CNTN5: variants seen among roughly 807,000 people sequenced by gnomAD.
The protein encoded by CNTN5 is contactin-5.
A neutral mutation model predicts 129.1 loss-of-function variants in CNTN5; 77 were observed. The ratio of observed to expected loss-of-function variants is 0.60; its 90% CI spans 0.50 to 0.72. The LOEUF (loss-of-function observed/expected upper bound fraction) is 0.72, where lower values mean the gene tolerates loss of function less well. Among genes scored for constraint, CNTN5 ranks in the 30% least tolerant of loss-of-function variants. The pLI is 0.00. For missense variants in CNTN5, 1,478 were observed against 1,328.8 expected (o/e 1.11, Z -1.75); for synonymous variants, 509 against 465.6 (o/e 1.09, Z -1.20).
chr11:99,521,519 G>T (rs1947275507), intron 2 of CNTN5, among the ~76,000 whole-genome samples: 1 of 152,014 alleles, frequency 6.6e-6, no homozygotes, highest in East Asian at 1.9e-4. Context: ...GCATTCACTA[G>T]GTACAAATTT....
At chr11:99,363,282 T>G (rs1939235606) in intron 2 of CNTN5, among the ~76,000 whole-genome samples, 2 of 152,120 alleles carry the variant, frequency 1.3e-5, no homozygotes, top group Non-Finnish European at 2.9e-5. Flanking sequence ...GACTAGCTCT[T>G]TTACAAGTCT....
At chr11:99,167,036 T>G (rs1354435228) in intron 1 of CNTN5, among the ~76,000 whole-genome samples, 1 of 152,206 alleles carries the variant, frequency 6.6e-6, no homozygotes, top group Admixed American at 6.5e-5. Flanking sequence ...TGTGTACTTT[T>G]TCTGTATTAA....
intron 16 of CNTN5, among the ~76,000 whole-genome samples, chr11:100,244,320 C>T (rs1421846589): frequency 6.6e-6 from 1 of 152,148 alleles, no homozygotes; most frequent in African/African-American, 2.4e-5. Context: ...CCCAGAGCAA[C>T]TGTTTTCTTG....
intron 1 of CNTN5, among the ~76,000 whole-genome samples, chr11:99,232,109 T>C (rs1861030781): frequency 6.6e-6 from 1 of 152,200 alleles, no homozygotes; most frequent in Non-Finnish European, 1.5e-5. Flanking sequence ...CTCTTTTTGC[T>C]TAGGATTGTC....
chr11:100,144,803 A>G (rs150846033), intron 13 of CNTN5, among the ~76,000 whole-genome samples: 1 of 151,872 alleles, frequency 6.6e-6, no homozygotes, highest in Non-Finnish European at 1.5e-5. Context: ...GTATTTCATA[A>G]TAAAGCCCTG....
chr11:99,519,324 C>A lies in CNTN5; in HGVS notation c.-70-36821C>A, dbSNP rs1001234692. Among the ~76,000 whole-genome samples, 3 of 152,126 alleles carry A rather than the reference C, an allele frequency of 2.0e-5. No individual in the cohort carries two copies. In the South Asian group the frequency reaches 6.2e-4, roughly 32 times the overall value. On this transcript the variant is annotated intron_variant, in intron 2 of 24. Transcript: ENST00000524871. ...CCTCTACTGTCTTTCTTATGCAATA[C>A]TCTTCTTCTTAACATCATGCTGCTA...
At chr11:100,029,476 G>A (rs577470847) in intron 9 of CNTN5, among the ~76,000 whole-genome samples, 5 of 152,122 alleles carry the variant, frequency 3.3e-5, no homozygotes, top group African/African-American at 9.6e-5. Context: ...CCAGCTACTC[G>A]GGAGGCTGAG....
At chr11:99,492,528 C>T (rs138903568) in intron 2 of CNTN5, among the ~76,000 whole-genome samples, 2 of 152,160 alleles carry the variant, frequency 1.3e-5, no homozygotes, top group African/African-American at 2.4e-5. Flanking sequence ...GTGATTAGTG[C>T]TATAGCGCTG....
intron 7 of CNTN5, among the ~76,000 whole-genome samples, chr11:99,932,450 C>T (rs1183924022): frequency 6.6e-6 from 1 of 152,078 alleles, no homozygotes; most frequent in African/African-American, 2.4e-5. Context: ...ACCTCAGCCT[C>T]CCAAAGTGCT....
At chr11:99,372,889 T>G (rs953448373) in intron 2 of CNTN5, among the ~76,000 whole-genome samples, 1 of 152,222 alleles carries the variant, frequency 6.6e-6, no homozygotes, top group Non-Finnish European at 1.5e-5. Flanking sequence ...TTATGGCATC[T>G]GAGAGATAAA....
intron 16 of CNTN5, among the ~76,000 whole-genome samples, chr11:100,237,146 A>G (rs533843346): frequency 3.3e-5 from 5 of 149,616 alleles, no homozygotes; most frequent in East Asian, 2.0e-4. Flanking sequence ...CCGAGATCAC[A>G]GCACTGCACT....
intron 18 of CNTN5, among the ~76,000 whole-genome samples, chr11:100,281,542 T>C (rs1199977896): frequency 6.6e-6 from 1 of 152,186 alleles, no homozygotes; most frequent in African/African-American, 2.4e-5. Flanking sequence ...TTTGGAAGTT[T>C]GATTATTAAC....
intron 2 of CNTN5, among the ~76,000 whole-genome samples, chr11:99,344,190 G>T (rs1395379480): frequency 6.6e-6 from 1 of 152,110 alleles, no homozygotes; most frequent in African/African-American, 2.4e-5. Flanking sequence ...TATAAGGTAG[G>T]ATTTTGTCCA....
chr11:100,103,696 G>GA, intron 13 of CNTN5, among the ~76,000 whole-genome samples: 1 of 152,130 alleles, frequency 6.6e-6, no homozygotes, highest in Non-Finnish European at 1.5e-5. Flanking sequence ...TTGAAGAGAA[G>GA]AATCTATTCT....
chr11:99,895,914 A>G (rs183536814), intron 6 of CNTN5, among the ~76,000 whole-genome samples: 43 of 152,206 alleles, frequency 2.8e-4, no homozygotes, highest in East Asian at 2.5e-3. Flanking sequence ...CCATAGTACT[A>G]AGAAGCAGCT....
intron 2 of CNTN5, among the ~76,000 whole-genome samples, chr11:99,383,124 G>A (rs1940702260): frequency 6.6e-6 from 1 of 151,724 alleles, no homozygotes; most frequent in Non-Finnish European, 1.5e-5. Context: ...CAAAGTGCTG[G>A]GATAACAGGC....
chr11:99,567,148 G>A (rs1433008341), intron 3 of CNTN5, among the ~76,000 whole-genome samples: 1 of 152,110 alleles, frequency 6.6e-6, no homozygotes, highest in Non-Finnish European at 1.5e-5. Flanking sequence ...GTCTATAGGT[G>A]TTACCTAGTA....
chr11:100,176,940 G>T (rs754722657), intron 13 of CNTN5, among the ~76,000 whole-genome samples: 33 of 151,794 alleles, frequency 2.2e-4, no homozygotes, highest in Non-Finnish European at 4.6e-4. Flanking sequence ...AGACAGTTCC[G>T]AGATCTTCCC....
At chr11:100,212,087 T>C (rs1949045737) in intron 15 of CNTN5, among the ~76,000 whole-genome samples, 1 of 152,194 alleles carries the variant, frequency 6.6e-6, no homozygotes, top group South Asian at 2.1e-4. Flanking sequence ...TATTTTACTC[T>C]GTCCTACTGT....
Sources: allele counts gnomAD v4.1 joint callset (sites outside exome capture counted in the v4.1 genomes callset), GRCh38; gene constraint gnomAD v4.1.1; transcripts MANE v1.5; gene names NCBI Gene and HGNC (gene_info 2026-07-23, HGNC 2026-07-21).